SMIM36: variants seen among roughly 807,000 people sequenced by gnomAD.
The protein encoded by SMIM36 is small integral membrane protein 36.
At chr17:55,456,280 C>T (rs999897398) in intron 4 of SMIM36, among the ~76,000 whole-genome samples, 4 of 150,330 alleles carry the variant, frequency 2.7e-5, no homozygotes, top group African/African-American at 1.0e-4. Context: ...AAGTCACATC[C>T]ATAGTTCCAG....
chr17:55,501,775 C>T (rs1156675754), intron 1 of SMIM36, among the ~76,000 whole-genome samples: 3 of 151,388 alleles, frequency 2.0e-5, no homozygotes, highest in Admixed American at 6.6e-5. Flanking sequence ...CCAGCGTGAC[C>T]GACGCAGAAG....
chr17:55,521,730 T>C, the SMIM36 span, among the ~76,000 whole-genome samples: 1 of 152,316 alleles, frequency 6.6e-6, no homozygotes, highest in East Asian at 1.9e-4. Context: ...GTGTTAATTG[T>C]CAGGATGCTG....
At chr17:55,523,804 G>C in the SMIM36 span, among the ~76,000 whole-genome samples, 3 of 152,124 alleles carry the variant, frequency 2.0e-5, no homozygotes, top group African/African-American at 7.2e-5. Context: ...TTTATATGAA[G>C]CCGAATGGAA....
At chr17:55,459,813 A>G (rs1395401855) in intron 4 of SMIM36, among the ~76,000 whole-genome samples, 1 of 151,968 alleles carries the variant, frequency 6.6e-6, no homozygotes, top group Non-Finnish European at 1.5e-5. Flanking sequence ...CTTTGGCAGT[A>G]TGGCAAGACC....
chr17:55,500,862 T>C lies in SMIM36; in HGVS notation c.*174+10017A>G, dbSNP rs866020803. Among the ~76,000 whole-genome samples the C allele has an allele frequency of 6.0e-5, 2 of 33,270 alleles. 1 individual carries two copies. Among genetic ancestry groups the C allele is most frequent in the African/African-American group, 1.4e-3 (2 of 1,380 alleles). The allele number at this position is 33,270 out of a possible 152,430, so 21.8% of individuals were successfully genotyped here. On this transcript the variant is annotated intron_variant, in intron 1 of 4. Coordinates refer to ENST00000636752, the Ensembl canonical transcript of SMIM36. ...TATAATATATTATATTATAATATAT[T>C]ATAATATATTATATTTTATAATATA...
the SMIM36 span, among the ~76,000 whole-genome samples, chr17:55,526,110 G>A: frequency 1.3e-5 from 2 of 151,874 alleles, no homozygotes; most frequent in East Asian, 1.9e-4. Flanking sequence ...TCTTTACAAC[G>A]TTTCTCTAAG....
At chr17:55,466,389 T>A (rs1296617812) in intron 4 of SMIM36, among the ~76,000 whole-genome samples, 6 of 151,140 alleles carry the variant, frequency 4.0e-5, no homozygotes, top group Non-Finnish European at 8.8e-5. Flanking sequence ...GAATGAGAAG[T>A]TAGGGCCAGC....
intron 1 of SMIM36, among the ~76,000 whole-genome samples, chr17:55,501,730 G>T (rs1448738748): frequency 1.3e-5 from 2 of 151,060 alleles, no homozygotes; most frequent in Non-Finnish European, 2.9e-5. Flanking sequence ...GAGGAGCCAA[G>T]ATGGCCGAAT....
At chr17:55,451,970 G>A (rs1169220912) in intron 4 of SMIM36, among the ~76,000 whole-genome samples, 1 of 151,778 alleles carries the variant, frequency 6.6e-6, no homozygotes, top group Non-Finnish European at 1.5e-5. Context: ...GACAGGCAAG[G>A]TGGTGGGTGC....
At chr17:55,475,743 G>C (rs549903569) in intron 3 of SMIM36, among the ~76,000 whole-genome samples, 1 of 152,140 alleles carries the variant, frequency 6.6e-6, no homozygotes, top group African/African-American at 2.4e-5. Context: ...CCAATTCTTA[G>C]TCCTTTAATA....
At chr17:55,459,795 G>A (rs1431300014) in intron 4 of SMIM36, among the ~76,000 whole-genome samples, 3 of 152,206 alleles carry the variant, frequency 2.0e-5, no homozygotes, top group Admixed American at 1.3e-4. Context: ...CCAGAAATTC[G>A]AGACCAGCTT....
intron 4 of SMIM36, among the ~76,000 whole-genome samples, chr17:55,462,867 G>A (rs993591195): frequency 1.6e-4 from 24 of 152,050 alleles, no homozygotes; most frequent in Non-Finnish European, 3.2e-4. Context: ...TCCTTTGAAG[G>A]CCAATTACTG....
chr17:55,506,409 C>A (rs1910078700), intron 1 of SMIM36, among the ~76,000 whole-genome samples: 1 of 16,448 alleles, frequency 6.1e-5, no homozygotes, highest in South Asian at 6.3e-3. Flanking sequence ...ACAGAGCCCT[C>A]AGAAATAACG....
chr17:55,489,376 A>AAAACC, intron 1 of SMIM36, among the ~76,000 whole-genome samples: 2 of 150,336 alleles, frequency 1.3e-5, no homozygotes, highest in Admixed American at 1.3e-4. Context: ...CCCTGTCTCC[A>AAAACC]AAAACAAAAC....
At chr17:55,472,439 G>C (rs1056251665) in intron 3 of SMIM36, among the ~76,000 whole-genome samples, 2 of 152,198 alleles carry the variant, frequency 1.3e-5, no homozygotes, top group Admixed American at 6.5e-5. Context: ...GCTGAAAGAG[G>C]CTTCCTTATC....
At chr17:55,489,836 GTTA>G (rs1383845992) in intron 1 of SMIM36, among the ~76,000 whole-genome samples, 2 of 144,560 alleles carry the variant, frequency 1.4e-5, no homozygotes, top group African/African-American at 2.6e-5. Context: ...AATGGAAAAA[GTTA>G]TTATTGCTCG....
intron 1 of SMIM36, among the ~76,000 whole-genome samples, chr17:55,484,863 G>A (rs896197600): frequency 5.3e-5 from 8 of 152,188 alleles, no homozygotes; most frequent in Admixed American, 2.6e-4. Context: ...GAAGTCAATG[G>A]CATGAGGCAA....
chr17:55,514,482 A>G (rs1392836699), upstream of SMIM36, among the ~76,000 whole-genome samples: 1 of 152,202 alleles, frequency 6.6e-6, no homozygotes, highest in Admixed American at 6.5e-5. Context: ...TATCAACCCA[A>G]TTTTTTAAAA....
upstream of SMIM36, among the ~76,000 whole-genome samples, chr17:55,515,803 T>A (rs1481391793): frequency 6.6e-6 from 1 of 152,242 alleles, no homozygotes; most frequent in African/African-American, 2.4e-5. Flanking sequence ...TAAATTCCAT[T>A]ATTTTAAGTC....
Sources: gnomAD v4.1 joint callset for allele counts (sites outside exome capture counted in the v4.1 genomes callset) on GRCh38, gnomAD v4.1.1 for gene constraint, MANE v1.5 for transcripts, NCBI Gene and HGNC (gene_info 2026-07-23, HGNC 2026-07-21) for gene names.